CLEC12A: variants seen among roughly 807,000 people sequenced by gnomAD.
CLEC12A encodes the protein C-type lectin protein CLL-1.
CLEC12A carries 22 observed loss-of-function variants against 26.5 expected under a neutral mutation model. The observed-to-expected ratio is 0.83, with a 90% CI of 0.59 to 1.19. The LOEUF is 1.19. Among genes scored for constraint, CLEC12A ranks in the 50% most tolerant of loss-of-function variants. The pLI is 0.00. For synonymous variants in CLEC12A, 119 were observed against 101.9 expected (o/e 1.17, Z -1.01); for missense variants, 353 against 315.6 (o/e 1.12, Z -0.90).
chr12:9,981,185 T>C (rs1240446126), intron 4 of CLEC12A, among the ~76,000 whole-genome samples: 1 of 152,206 alleles, frequency 6.6e-6, no homozygotes, highest in Non-Finnish European at 1.5e-5. Context: ...GCATAAAATA[T>C]GTACAAACAA....
intron 1 of CLEC12A, among the ~76,000 whole-genome samples, chr12:9,975,764 T>C (rs111742420): frequency 9.1e-4 from 138 of 152,242 alleles, no homozygotes; most frequent in African/African-American, 3.2e-3. Context: ...TCAGAGGTCT[T>C]CCCAGCAGCC....
intron 3 of CLEC12A, among the ~76,000 whole-genome samples, 152 bp from the exon 4 acceptor site, chr12:9,980,428 ACT>A (rs1864509252): frequency 6.7e-6 from 1 of 149,836 alleles, no homozygotes. Context: ...ATAGAGCAAG[ACT>A]CTGTCAAAAA....
intron 4 of CLEC12A, chr12:9,990,899 C>A (rs1359081): frequency 0.34 from 51,156 of 152,006 alleles, 9,615 homozygotes; most frequent in Non-Finnish European, 0.42. Flanking sequence ...CAAGGCAAGA[C>A]GCTACACCAG....
chr12:9,956,340 T>G (rs779867334), intron 1 of CLEC12A, among the ~76,000 whole-genome samples: 1 of 152,234 alleles, frequency 6.6e-6, no homozygotes, highest in East Asian at 1.9e-4. Context: ...TTTGGCACAT[T>G]GTACATGGAA....
intron 4 of CLEC12A, chr12:9,993,048 G>A (rs1864927473): frequency 8.6e-7 from 1 of 1,160,366 alleles, no homozygotes; most frequent in Non-Finnish European, 1.2e-6. Flanking sequence ...AGAAGAAAGG[G>A]AGAAATAAGC....
intron 1 of CLEC12A, among the ~76,000 whole-genome samples, chr12:9,974,385 G>C (rs1451028324): frequency 6.6e-5 from 10 of 152,028 alleles, no homozygotes; most frequent in African/African-American, 2.4e-4. Flanking sequence ...ACCTCATTCA[G>C]TTGTTTGACT....
At chr12:9,969,759 G>T (rs1864060325), upstream of CLEC12A, among the ~76,000 whole-genome samples, 2 of 152,042 alleles carry the variant, frequency 1.3e-5, no homozygotes, top group Non-Finnish European at 2.9e-5. Flanking sequence ...GCAAATATTT[G>T]ATCCACCTAG....
Position 9,991,073 on chromosome 12 carries a change from T to C in CLEC12A, n.1005-3945T>C, listed in dbSNP as rs373760092. On this transcript the variant is annotated intron_variant and non_coding_transcript_variant, in intron 4 of 4. Coordinates refer to the CLEC12A transcript ENST00000449959. ...TTACACGAATTGGGAAAGCAAATAATTAATGTGACTCACTTTATTGCAATA... is the reference window on the plus strand; with the variant it reads ...TTACACGAATTGGGAAAGCAAATAACTAATGTGACTCACTTTATTGCAATA... 5 of 152,178 alleles carry C rather than the reference T, an allele frequency of 3.3e-5. No individual in the cohort carries two copies. The East Asian group carries it at 7.7e-4, about 23-fold the overall frequency. 9.4% of individuals were successfully genotyped at this position (152,178 alleles called of 1,614,324 possible).
At chr12:9,965,783 G>T (rs620518) in intron 1 of CLEC12A, among the ~76,000 whole-genome samples, 144,880 of 151,932 alleles carry the variant, frequency 0.95, 69,127 homozygotes, top group East Asian at 0.99. Context: ...ATAATAGGCT[G>T]TAATCCTTTT....
intron 4 of CLEC12A, 33 bp from the exon 5 acceptor site, chr12:9,981,987 G>C (rs376754071): frequency 9.0e-7 from 1 of 1,110,982 alleles, no homozygotes; most frequent in Non-Finnish European, 1.3e-6. Context: ...GTAGGAGACT[G>C]TTTCTTAAAC....
chr12:9,959,624 T>A (rs1405110495), intron 1 of CLEC12A, among the ~76,000 whole-genome samples: 1 of 152,002 alleles, frequency 6.6e-6, no homozygotes, highest in Admixed American at 6.6e-5. Flanking sequence ...GTTACAGGGG[T>A]CCCACTGACG....
downstream of CLEC12A, chr12:9,998,321 C>A: frequency 2.5e-6 from 4 of 1,613,808 alleles, no homozygotes; most frequent in Non-Finnish European, 3.4e-6. Flanking sequence ...ACCATCCCCA[C>A]GCACAGGATC....
chr12:9,966,551 G>T (rs539595481), upstream of CLEC12A, among the ~76,000 whole-genome samples: 27 of 152,264 alleles, frequency 1.8e-4, no homozygotes, highest in African/African-American at 6.3e-4. Flanking sequence ...GGGGAGGCAG[G>T]CCTGGAGGAA....
At chr12:9,973,202 C>A (rs1864195487) in intron 1 of CLEC12A, among the ~76,000 whole-genome samples, 1 of 152,104 alleles carries the variant, frequency 6.6e-6, no homozygotes, top group Admixed American at 6.5e-5. Flanking sequence ...GGCTCATACC[C>A]ATAGTCCTAG....
intron 1 of CLEC12A, among the ~76,000 whole-genome samples, chr12:9,966,044 T>C (rs2760946): frequency 0.95 from 145,063 of 152,090 alleles, 69,229 homozygotes; most frequent in East Asian, 0.99. Flanking sequence ...TGTCTCAGCC[T>C]AATAAGGGAA....
At chr12:9,956,961 C>A (rs753262577) in intron 1 of CLEC12A, among the ~76,000 whole-genome samples, 1 of 150,412 alleles carries the variant, frequency 6.6e-6, no homozygotes, top group Non-Finnish European at 1.5e-5. Flanking sequence ...TCACTGGATG[C>A]ATAAGGAAAT....
At chr12:9,965,095 G>A (rs1863906653) in intron 1 of CLEC12A, among the ~76,000 whole-genome samples, 1 of 152,168 alleles carries the variant, frequency 6.6e-6, no homozygotes, top group African/African-American at 2.4e-5. Context: ...CGTAGAGAAT[G>A]AGTTGGGCAT....
chr12:9,958,967 ATATAACT>A (rs1248520071), intron 1 of CLEC12A, among the ~76,000 whole-genome samples: 1 of 152,196 alleles, frequency 6.6e-6, no homozygotes, highest in African/African-American at 2.4e-5. Flanking sequence ...ACACACAGAC[ATATAACT>A]TAGAAGGTAA....
intron 1 of CLEC12A, among the ~76,000 whole-genome samples, chr12:9,957,490 C>CAT (rs1863761516): frequency 8.0e-6 from 1 of 124,982 alleles, no homozygotes; most frequent in South Asian, 2.6e-4. Context: ...GACTTCATCT[C>CAT]AAAAAAAAAA....
Sources: gnomAD v4.1 joint callset for allele counts (sites outside exome capture counted in the v4.1 genomes callset) on GRCh38, gnomAD v4.1.1 for gene constraint, MANE v1.5 for transcripts, NCBI Gene and HGNC (gene_info 2026-07-23, HGNC 2026-07-21) for gene names.